SCOC: variants seen among roughly 807,000 people sequenced by gnomAD.
SCOC encodes short coiled-coil protein, also known as short coiled coil protein.
In SCOC, 7 loss-of-function variants were observed where a neutral mutation model predicts 9.9. The observed-to-expected ratio is 0.71, with a 90% CI of 0.40 to 1.33. SCOC has a LOEUF of 1.33. Ranked by LOEUF, SCOC falls within the 40% of genes most tolerant of loss-of-function variation. The pLI, the probability that SCOC is intolerant of heterozygous loss-of-function variation, is 0.01. For missense variants in SCOC, 66 were observed against 89.7 expected (o/e 0.74, Z 1.07); for synonymous variants, 19 against 28.2 (o/e 0.67, Z 1.03).
intron 1 of SCOC, among the ~76,000 whole-genome samples, chr4:140,274,784 C>G (rs1395501827): frequency 6.6e-6 from 1 of 152,204 alleles, no homozygotes; most frequent in Non-Finnish European, 1.5e-5. Flanking sequence ...AAGCCTTCAA[C>G]CACTCCTCGG....
intron 2 of SCOC, chr4:140,366,733 G>C (rs1024459982): frequency 5.7e-6 from 9 of 1,576,844 alleles, no homozygotes; most frequent in Non-Finnish European, 7.0e-6. Context: ...CCTCACTTGA[G>C]TGCAAGGTCC....
At chr4:140,271,391 A>G (rs80021067) in intron 1 of SCOC, among the ~76,000 whole-genome samples, 1,559 of 152,350 alleles carry the variant, frequency 0.01, 36 homozygotes, top group African/African-American at 0.036. Flanking sequence ...ATTTGAAAGT[A>G]GATTAGGAGG....
intron 2 of SCOC, among the ~76,000 whole-genome samples, chr4:140,362,301 T>TCTTCTTCTTCTTGTTCTTCTTC: frequency 3.4e-5 from 1 of 29,410 alleles, no homozygotes. Context: ...TTCTTCTTCT[T>TCTTCTTCTTCTTGTTCTTCTTC]TTTTTTTTTT....
At chr4:140,293,525 A>G (rs1731538335) in intron 1 of SCOC, 3 of 389,964 alleles carry the variant, frequency 7.7e-6, no homozygotes, top group Non-Finnish European at 1.5e-5. Flanking sequence ...TTGGATAGGA[A>G]GAAAGGAAGG....
upstream of SCOC, among the ~76,000 whole-genome samples, chr4:140,371,352 T>C (rs1728048512): frequency 6.6e-6 from 1 of 152,232 alleles, no homozygotes; most frequent in East Asian, 1.9e-4. Context: ...CCTACGGCGA[T>C]ATACAGACAT....
At chr4:140,280,023 C>T (rs138754217) in intron 1 of SCOC, among the ~76,000 whole-genome samples, 185 of 152,308 alleles carry the variant, frequency 1.2e-3, no homozygotes, top group African/African-American at 4.2e-3. Context: ...AGGACGTGAA[C>T]TGGAAGTTGC....
At chr4:140,337,771 T>C (rs186674695) in intron 1 of SCOC, among the ~76,000 whole-genome samples, 2 of 152,278 alleles carry the variant, frequency 1.3e-5, no homozygotes, top group Non-Finnish European at 2.9e-5. Flanking sequence ...AATCTCTGAA[T>C]AGACCAATAA....
At chr4:140,360,369 A>G (rs1164799111) in intron 2 of SCOC, among the ~76,000 whole-genome samples, 4 of 152,070 alleles carry the variant, frequency 2.6e-5, no homozygotes, top group Non-Finnish European at 5.9e-5. Flanking sequence ...GTGTCTTTTC[A>G]TTTACTTGGA....
chr4:140,295,683 T>C (rs1031335958), intron 1 of SCOC, among the ~76,000 whole-genome samples: 4 of 151,964 alleles, frequency 2.6e-5, no homozygotes, highest in African/African-American at 4.8e-5. Context: ...GGCTCACGCC[T>C]GTAATCCCAG....
At chr4:140,320,554 G>A (rs1224801114) in intron 1 of SCOC, among the ~76,000 whole-genome samples, 1 of 152,114 alleles carries the variant, frequency 6.6e-6, no homozygotes, top group African/African-American at 2.4e-5. Context: ...AGTCCCAGGG[G>A]CTGCAGACAC....
At chr4:140,346,321 G>A (rs964741795) in intron 2 of SCOC, among the ~76,000 whole-genome samples, 1 of 152,144 alleles carries the variant, frequency 6.6e-6, no homozygotes, top group Admixed American at 6.5e-5. Context: ...GATGCCAGCC[G>A]AGTGCGGTAT....
Position 140,380,388 on chromosome 4 carries a change from T to G in SCOC, c.107-574T>G, listed in dbSNP as rs544265321. Among the ~76,000 whole-genome samples the G allele has an allele frequency of 2.0e-5, 3 of 151,796 alleles. No homozygotes were observed. The East Asian group carries it at 5.8e-4, about 29-fold the overall frequency. The stretch of plus-strand genomic sequence containing the variant: ...AATTTTTTTGTATTTTTAGTAGAGA[T>G]AGGGTTTCACTATGTTGGCCAGGCT... On this transcript the variant is annotated intron_variant, in intron 3 of 3. Transcript: ENST00000608372.
chr4:140,326,044 T>G (rs1578811933), intron 1 of SCOC, among the ~76,000 whole-genome samples: 1 of 152,242 alleles, frequency 6.6e-6, no homozygotes, highest in African/African-American at 2.4e-5. Context: ...GGATCTTAAA[T>G]GCATTCTGTA....
At chr4:140,292,187 TG>T (rs1194723315) in intron 1 of SCOC, among the ~76,000 whole-genome samples, 3 of 138,172 alleles carry the variant, frequency 2.2e-5, no homozygotes, top group African/African-American at 9.8e-5. Flanking sequence ...GGTACTCTTC[TG>T]GTTTTTTTTT....
intron 1 of SCOC, among the ~76,000 whole-genome samples, chr4:140,304,351 T>G (rs186656418): frequency 2.0e-5 from 3 of 152,254 alleles, no homozygotes; most frequent in African/African-American, 7.2e-5. Context: ...ATATTGCCAC[T>G]GATTCTGGAC....
intron 1 of SCOC, among the ~76,000 whole-genome samples, chr4:140,308,500 C>T (rs1387208970): frequency 6.6e-6 from 1 of 152,236 alleles, no homozygotes; most frequent in East Asian, 1.9e-4. Flanking sequence ...GACATGACTG[C>T]GCTCATGGCC....
intron 1 of SCOC, chr4:140,284,756 A>G (rs1469462791): frequency 4.2e-5 from 6 of 143,436 alleles, no homozygotes; most frequent in African/African-American, 1.7e-4. Flanking sequence ...TGACTACATA[A>G]TTGCTATTTC....
chr4:140,294,476 A>G (rs1217182298), intron 1 of SCOC, among the ~76,000 whole-genome samples: 1 of 152,190 alleles, frequency 6.6e-6, no homozygotes, highest in Non-Finnish European at 1.5e-5. Context: ...CATTGTCAGG[A>G]AAAAATGGGC....
chr4:140,373,605 A>G, upstream of SCOC: 3 of 1,551,562 alleles, frequency 1.9e-6, no homozygotes, highest in Non-Finnish European at 2.6e-6. Flanking sequence ...GATTCTTCTC[A>G]CGGCGCACGT....
Sources: gnomAD v4.1 joint callset for allele counts (sites outside exome capture counted in the v4.1 genomes callset) on GRCh38, gnomAD v4.1.1 for gene constraint, MANE v1.5 for transcripts, NCBI Gene and HGNC (gene_info 2026-07-23, HGNC 2026-07-21) for gene names.